The following GMDS variants were observed in gnomAD, a reference collection of about 807,000 sequenced individuals.
GMDS encodes the protein GDP-mannose 4,6-dehydratase.
In GMDS, 20 loss-of-function variants were observed where a neutral mutation model predicts 49.9. The ratio of observed to expected loss-of-function variants is 0.40; its 90% CI spans 0.28 to 0.58. The LOEUF (loss-of-function observed/expected upper bound fraction) is 0.58, where lower values mean the gene tolerates loss of function less well. GMDS is among the 20% of genes least tolerant of loss of function. GMDS has a pLI of 0.42. For missense variants in GMDS, 362 were observed against 481.4 expected, an observed-to-expected ratio of 0.75 and a Z score of 2.32; for synonymous variants, 177 against 178.6, an observed-to-expected ratio of 0.99 and a Z score of 0.07.
chr6:2,003,148 T>C (rs983568679), intron 4 of GMDS, among the ~76,000 whole-genome samples: 2 of 152,148 alleles, frequency 1.3e-5, no homozygotes, highest in African/African-American at 2.4e-5. Flanking sequence ...ATTCCATATA[T>C]GGAATAATTT....
chr6:1,676,419 T>C (rs1054472014), intron 9 of GMDS, among the ~76,000 whole-genome samples: 6 of 152,278 alleles, frequency 3.9e-5, no homozygotes, highest in South Asian at 2.1e-4. Context: ...CTTCATAGAA[T>C]TGGAAAAAAC....
At chr6:2,244,212 C>T (rs779237869) in intron 1 of GMDS, among the ~76,000 whole-genome samples, 1 of 152,042 alleles carries the variant, frequency 6.6e-6, no homozygotes, top group Admixed American at 6.6e-5. Flanking sequence ...AGAGTGGTTT[C>T]AATACCAACT....
chr6:2,066,100 G>C (rs1396496813), intron 4 of GMDS, among the ~76,000 whole-genome samples: 1 of 152,154 alleles, frequency 6.6e-6, no homozygotes, highest in Admixed American at 6.5e-5. Context: ...CCAGAAGAGA[G>C]TGGGGGCCAA....
chr6:2,132,763 C>A (rs1393288250), intron 1 of GMDS, among the ~76,000 whole-genome samples: 1 of 152,160 alleles, frequency 6.6e-6, no homozygotes, highest in Non-Finnish European at 1.5e-5. Context: ...CCTATCAGAT[C>A]CTTTTAAAGA....
chr6:1,630,589 T>C (rs1218678452), intron 9 of GMDS, among the ~76,000 whole-genome samples: 1 of 152,198 alleles, frequency 6.6e-6, no homozygotes, highest in Non-Finnish European at 1.5e-5. Flanking sequence ...GCTGGGAAGC[T>C]TTTGGGGAGC....
intron 4 of GMDS, among the ~76,000 whole-genome samples, chr6:1,962,258 C>G (rs1380090359): frequency 6.6e-6 from 1 of 152,100 alleles, no homozygotes; most frequent in African/African-American, 2.4e-5. Flanking sequence ...AGCAGCCACT[C>G]TCTGGTCCCC....
At chr6:2,021,555 GA>G (rs1190012969) in intron 4 of GMDS, among the ~76,000 whole-genome samples, 1 of 152,080 alleles carries the variant, frequency 6.6e-6, no homozygotes, top group African/African-American at 2.4e-5. Context: ...ATACAAGGTG[GA>G]AAAAAAGCCA....
intron 7 of GMDS, among the ~76,000 whole-genome samples, chr6:1,869,415 T>A (rs143620448): frequency 3.9e-5 from 6 of 152,066 alleles, no homozygotes; most frequent in Non-Finnish European, 8.8e-5. Flanking sequence ...TTGAGGCCGA[T>A]TGAGGGTTTA....
At chr6:2,180,118 G>A (rs1778453454) in intron 1 of GMDS, among the ~76,000 whole-genome samples, 1 of 152,156 alleles carries the variant, frequency 6.6e-6, no homozygotes, top group Non-Finnish European at 1.5e-5. Flanking sequence ...GAATGCAGGA[G>A]GAAAACAAAG....
intron 4 of GMDS, among the ~76,000 whole-genome samples, chr6:2,112,787 C>T (rs1275483171): frequency 6.6e-6 from 1 of 152,062 alleles, no homozygotes. Flanking sequence ...GGTCCTCATT[C>T]TCCTAGCCTC....
At chr6:2,144,159 T>TA (rs1340315535) in intron 1 of GMDS, among the ~76,000 whole-genome samples, 6 of 152,100 alleles carry the variant, frequency 3.9e-5, no homozygotes, top group African/African-American at 1.4e-4. Context: ...GATGAGGAAA[T>TA]AAAGAGTCTT....
intron 7 of GMDS, among the ~76,000 whole-genome samples, chr6:1,874,982 T>A (rs982739754): frequency 3.3e-5 from 5 of 152,362 alleles, no homozygotes; most frequent in African/African-American, 1.2e-4. Flanking sequence ...TTCAGTAAAT[T>A]AAACATTTAA....
At chr6:1,853,919 T>C (rs547688129) in intron 7 of GMDS, among the ~76,000 whole-genome samples, 20 of 152,290 alleles carry the variant, frequency 1.3e-4, no homozygotes, top group Non-Finnish European at 2.4e-4. Context: ...TGCCAAATCC[T>C]TCCCCTCCAT....
At chr6:2,141,608 G>A (rs368807520) in intron 1 of GMDS, among the ~76,000 whole-genome samples, 1 of 152,194 alleles carries the variant, frequency 6.6e-6, no homozygotes, top group African/African-American at 2.4e-5. Flanking sequence ...AGGCAGGGAT[G>A]AAGAGGGGAG....
intron 6 of GMDS, among the ~76,000 whole-genome samples, chr6:1,954,300 G>A (rs1763516532): frequency 6.6e-6 from 1 of 152,256 alleles, no homozygotes; most frequent in African/African-American, 2.4e-5. Flanking sequence ...GCCTTTTGCT[G>A]GTAGAGGGCT....
At chr6:1,644,443 G>A (rs79190487) in intron 9 of GMDS, among the ~76,000 whole-genome samples, 18,566 of 152,188 alleles carry the variant, frequency 0.12, 1,449 homozygotes, top group African/African-American at 0.22. Context: ...CTCCCCACAG[G>A]CTCAAAACTT....
chr6:1,737,373 T>C (rs946559621), intron 8 of GMDS, among the ~76,000 whole-genome samples: 8 of 152,186 alleles, frequency 5.3e-5, no homozygotes, highest in African/African-American at 1.9e-4. Context: ...CCTACTATCA[T>C]CTTAATTGTA....
chr6:1,698,071 T>C (rs1765405134), intron 9 of GMDS, among the ~76,000 whole-genome samples: 1 of 151,724 alleles, frequency 6.6e-6, no homozygotes, highest in Non-Finnish European at 1.5e-5. Context: ...AAGCAAAGAG[T>C]AGACAAAGAG....
chr6:1,665,830 G>C (rs1196616131), intron 9 of GMDS, among the ~76,000 whole-genome samples: 1 of 152,202 alleles, frequency 6.6e-6, no homozygotes, highest in Non-Finnish European at 1.5e-5. Context: ...CAGGCTACAA[G>C]GAAGCCCGCT....
Sources: allele counts gnomAD v4.1 joint callset (sites outside exome capture counted in the v4.1 genomes callset), GRCh38; gene constraint gnomAD v4.1.1; transcripts MANE v1.5; gene names NCBI Gene and HGNC (gene_info 2026-07-23, HGNC 2026-07-21).